Variants in ACYP2 observed in about 807,000 individuals in gnomAD.
ACYP2 encodes acylphosphatase-2.
In ACYP2, 12 loss-of-function variants were observed where a neutral mutation model predicts 11.2. The ratio of observed to expected loss-of-function variants is 1.08; its 90% CI spans 0.69 to 1.74. ACYP2 has a LOEUF of 1.74. ACYP2 is among the 40% of genes most tolerant of loss of function. ACYP2 has a pLI of 0.00. For missense variants in ACYP2, 134 were observed against 101.9 expected (o/e 1.31, Z -1.35); for synonymous variants, 43 against 32.2 (o/e 1.33, Z -1.13).
chr2:54,290,655 A>G (rs565859698), intron 6 of ACYP2, among the ~76,000 whole-genome samples: 81 of 152,318 alleles, frequency 5.3e-4, no homozygotes, highest in African/African-American at 1.7e-3. Context: ...ATTATCTAGT[A>G]GTTCTCTATC....
chr2:53,982,199 A>G (rs1671797467), intron 2 of ACYP2, among the ~76,000 whole-genome samples: 1 of 152,180 alleles, frequency 6.6e-6, no homozygotes, highest in African/African-American at 2.4e-5. Context: ...CAGGCAGACA[A>G]TGGGATTATC....
chr2:54,268,864 G>T (rs1688155362), intron 6 of ACYP2, among the ~76,000 whole-genome samples: 1 of 151,960 alleles, frequency 6.6e-6, no homozygotes, highest in Admixed American at 6.6e-5. Context: ...TTAAAAATTT[G>T]AAAGGCATTT....
intron 2 of ACYP2, among the ~76,000 whole-genome samples, chr2:53,976,244 C>T (rs1671480522): frequency 1.3e-5 from 2 of 152,134 alleles, no homozygotes; most frequent in South Asian, 4.1e-4. Context: ...GGGTTTCACT[C>T]TCTTACAGGC....
At chr2:54,000,537 G>C (rs2104526984) in intron 2 of ACYP2, among the ~76,000 whole-genome samples, 1 of 152,298 alleles carries the variant, frequency 6.6e-6, no homozygotes, top group East Asian at 1.9e-4. Flanking sequence ...GTTATGCTGT[G>C]ATAACGCAGA....
chr2:54,212,839 G>A (rs571915057), intron 6 of ACYP2, among the ~76,000 whole-genome samples: 1 of 150,824 alleles, frequency 6.6e-6, no homozygotes, highest in African/African-American at 2.4e-5. Flanking sequence ...ATGTAAAGAA[G>A]TAAATTTAAA....
chr2:54,124,261 G>C (rs990424806), intron 4 of ACYP2, among the ~76,000 whole-genome samples: 1 of 151,200 alleles, frequency 6.6e-6, no homozygotes, highest in Non-Finnish European at 1.5e-5. Context: ...ATGGCGCGAT[G>C]TGGGCTCACC....
At position 54,033,548 on chromosome 2, in the gene ACYP2, G is replaced by A. The variant is rs192277185; in HGVS notation, c.63-17410G>A. ...TTTCTATATGAATTTACTTTTAGGA[G>A]AGTGGGGGAATGATGAAAATTGTGT... is the stretch of plus-strand genomic sequence containing the variant. On this transcript the variant is annotated intron_variant, in intron 2 of 6. Coordinates refer to ENST00000607452, the MANE Select transcript of ACYP2 (RefSeq NM_001320586.2). Among the ~76,000 whole-genome samples the A allele has an allele frequency of 2.1e-4, 32 of 152,280 alleles. No individual in the cohort carries two copies. The East Asian group carries it at 4.1e-3, about 19-fold the overall frequency.
intron 4 of ACYP2, among the ~76,000 whole-genome samples, chr2:54,068,163 G>C (rs1176381571): frequency 6.6e-6 from 1 of 152,194 alleles, no homozygotes; most frequent in Admixed American, 6.5e-5. Context: ...TGTGCCTTTA[G>C]TTGGTTCATC....
chr2:54,047,428 C>T (rs1558493311), intron 2 of ACYP2, among the ~76,000 whole-genome samples: 1 of 152,196 alleles, frequency 6.6e-6, no homozygotes, highest in African/African-American at 2.4e-5. Context: ...ACTTCTGCTG[C>T]GTGGCCCTGT....
At chr2:54,161,237 C>T (rs765410552) in intron 6 of ACYP2, among the ~76,000 whole-genome samples, 4 of 152,316 alleles carry the variant, frequency 2.6e-5, no homozygotes, top group Non-Finnish European at 5.9e-5. Context: ...TCAGAATCAC[C>T]TGGGGAGCTT....
chr2:54,187,049 T>C (rs1684039465), intron 6 of ACYP2, among the ~76,000 whole-genome samples: 1 of 152,150 alleles, frequency 6.6e-6, no homozygotes, highest in South Asian at 2.1e-4. Context: ...AATAATAGTC[T>C]TAAAAGCTAG....
At chr2:54,158,615 T>C (rs1572868885) in intron 6 of ACYP2, among the ~76,000 whole-genome samples, 1 of 152,216 alleles carries the variant, frequency 6.6e-6, no homozygotes, top group South Asian at 2.1e-4. Context: ...CTATTCCCCA[T>C]ATTTTTGAAG....
chr2:54,051,373 G>T, intron 3 of ACYP2: 1 of 755,432 alleles, frequency 1.3e-6, no homozygotes, highest in Non-Finnish European at 2.4e-6. Flanking sequence ...GTCTGCTAAA[G>T]AGAAAAGTGA....
At chr2:54,194,629 A>T (rs1684380363) in intron 6 of ACYP2, among the ~76,000 whole-genome samples, 1 of 152,004 alleles carries the variant, frequency 6.6e-6, no homozygotes, top group Admixed American at 6.6e-5. Flanking sequence ...AACATCAAAG[A>T]CTATGTTATT....
At chr2:54,071,885 C>G (rs962791320) in intron 4 of ACYP2, among the ~76,000 whole-genome samples, 1 of 152,068 alleles carries the variant, frequency 6.6e-6, no homozygotes, top group African/African-American at 2.4e-5. Flanking sequence ...GTGGCGCGCA[C>G]CTGTAATCCC....
intron 2 of ACYP2, among the ~76,000 whole-genome samples, chr2:53,985,608 A>T (rs1672000364): frequency 6.6e-6 from 1 of 152,218 alleles, no homozygotes; most frequent in Admixed American, 6.5e-5. Flanking sequence ...AGTATAATGG[A>T]TAAACTGTGT....
In ACYP2 at chr2:54,138,667, G is replaced by C. The variant is rs371660826; in HGVS notation, c.323G>C (p.Gly108Ala). 13 of 1,613,890 alleles carry C rather than the reference G, an allele frequency of 8.1e-6. No homozygotes were observed. The highest frequency in any genetic ancestry group is 2.7e-5 in the African/African-American group (2 of 74,904). Residue 108 changes from glycine (G) to alanine (A), a missense_variant, in exon 6 of 7, where the codon GGA becomes GCA. Transcript: ENST00000607452. Reference sequence around the variant, plus strand: ...ACAGAAGATGAAGCTAGGAAAATAGGAGTGGTTGGCTGGGTGAAGAATACC... The same window carrying C: ...ACAGAAGATGAAGCTAGGAAAATAGCAGTGGTTGGCTGGGTGAAGAATACC...
intron 1 of ACYP2, among the ~76,000 whole-genome samples, chr2:53,972,579 C>T (rs1262207834): frequency 1.3e-5 from 2 of 152,200 alleles, no homozygotes; most frequent in Admixed American, 1.3e-4. Flanking sequence ...AGCACTCCAG[C>T]CTGGGTGGCA....
At chr2:54,213,575 C>T (rs1349428857) in intron 6 of ACYP2, among the ~76,000 whole-genome samples, 10 of 152,152 alleles carry the variant, frequency 6.6e-5, no homozygotes, top group African/African-American at 1.9e-4. Flanking sequence ...TCTGCAACCT[C>T]GCCAGCATCT....
Sources: allele counts gnomAD v4.1 joint callset (sites outside exome capture counted in the v4.1 genomes callset), GRCh38; gene constraint gnomAD v4.1.1; transcripts MANE v1.5; gene names NCBI Gene and HGNC (gene_info 2026-07-23, HGNC 2026-07-21).